BCAS4: variants seen among roughly 807,000 people sequenced by gnomAD.
BCAS4 encodes breast carcinoma-amplified sequence 4.
A neutral mutation model predicts 15.7 loss-of-function variants in BCAS4; 9 were observed. The ratio of observed to expected loss-of-function variants is 0.57; its 90% CI spans 0.34 to 1.00. The LOEUF (loss-of-function observed/expected upper bound fraction) is 1.00, where lower values mean the gene tolerates loss of function less well. Ranked by LOEUF, BCAS4 falls within the 50% of genes least tolerant of loss-of-function variation. The pLI, the probability that BCAS4 is intolerant of heterozygous loss-of-function variation, is 0.02. For synonymous variants in BCAS4, 101 were observed against 99.5 expected (o/e 1.02, Z -0.09); for missense variants, 225 against 239.1 (o/e 0.94, Z 0.39).
chr20:50,795,178 G>A lies in BCAS4; in HGVS notation c.90+5G>A. 7.0e-7 allele frequency: 1 copy of A among 1,437,842 alleles called. No individual in the cohort carries two copies. Among genetic ancestry groups the A allele is most frequent in the Non-Finnish European group, 9.2e-7 (1 of 1,088,608 alleles). 89.1% of individuals were successfully genotyped at this position (1,437,842 alleles called of 1,614,324 possible). ...ACCCCCGAGCCTGGGGCCGAGGTAG[G>A]GGACGGGGCTGTGGAGTTGGAGGAG... is the stretch of plus-strand genomic sequence containing the variant. On this transcript the variant is annotated splice_donor_5th_base_variant and intron_variant, in intron 1 of 4. Transcript: ENST00000371608.
chr20:50,862,538 G>A (rs1336068728), intron 4 of BCAS4, among the ~76,000 whole-genome samples: 1 of 150,854 alleles, frequency 6.6e-6, no homozygotes, highest in Non-Finnish European at 1.5e-5. Flanking sequence ...GACGGGCCTG[G>A]GCTGAGATGC....
At chr20:50,844,303 A>G (rs2088517647) in intron 4 of BCAS4, among the ~76,000 whole-genome samples, 1 of 151,194 alleles carries the variant, frequency 6.6e-6, no homozygotes, top group Non-Finnish European at 1.5e-5. Context: ...GTGTGATGGC[A>G]TGCACCTGTG....
intron 4 of BCAS4, among the ~76,000 whole-genome samples, chr20:50,867,956 A>G (rs1600903502): frequency 6.6e-6 from 1 of 152,210 alleles, no homozygotes; most frequent in Admixed American, 6.5e-5. Context: ...TGATGGGATT[A>G]CAGGCATGAG....
intron 1 of BCAS4, among the ~76,000 whole-genome samples, chr20:50,808,947 A>G (rs970617493): frequency 6.6e-6 from 1 of 152,184 alleles, no homozygotes; most frequent in Non-Finnish European, 1.5e-5. Flanking sequence ...GTTATCTTCT[A>G]GAATTTTTAT....
chr20:50,872,581 C>CA (rs796808126), intron 4 of BCAS4, among the ~76,000 whole-genome samples: 80 of 40,240 alleles, frequency 2.0e-3, no homozygotes, highest in Middle Eastern at 0.01. Flanking sequence ...AAAAAAGGAA[C>CA]AAAAAAAAAA....
intron 2 of BCAS4, among the ~76,000 whole-genome samples, chr20:50,823,160 C>A (rs556029895): frequency 1.3e-5 from 2 of 149,980 alleles, no homozygotes; most frequent in South Asian, 4.2e-4. Context: ...GCCAACATGG[C>A]GAAACCCTGT....
intron 1 of BCAS4, among the ~76,000 whole-genome samples, chr20:50,797,532 C>T (rs1025245975): frequency 5.3e-5 from 8 of 151,450 alleles, no homozygotes; most frequent in Non-Finnish European, 1.0e-4. Context: ...CCTGTCTCTA[C>T]AAAAAAATGT....
intron 1 of BCAS4, 79 bp from the exon 2 acceptor site, chr20:50,818,132 T>TAAA: frequency 5.1e-5 from 61 of 1,198,610 alleles, no homozygotes; most frequent in Non-Finnish European, 6.3e-5. Context: ...TAGTTTGCTT[T>TAAA]AAAAAAAAAA....
rs146507396 is a variant in BCAS4, at chr20:50,876,499, C to A, written c.413C>A (p.Pro138Gln). The A allele has an allele frequency of 9.9e-6, 16 of 1,613,532 alleles. No homozygotes were observed. The African/African-American group carries it at 2.1e-4, about 22-fold the overall frequency. Reference sequence around the variant, plus strand: ...TTGTCATTCCAGAAGTCACCTGCACCGGTGCCCGTGACGTACGAGCTGCCC... The same window carrying A: ...TTGTCATTCCAGAAGTCACCTGCACAGGTGCCCGTGACGTACGAGCTGCCC... ...LPSFRNKSPA[P>Q]VPVTYELPTL... The change falls in exon 5 of 5, where the codon CCG (proline) becomes CAG (glutamine). Residue 138 changes from proline (P) to glutamine (Q), a missense_variant. Coordinates refer to ENST00000371608, the MANE Select transcript of BCAS4 (RefSeq NM_198799.4).
At chr20:50,834,394 C>T (rs930811886) in intron 3 of BCAS4, among the ~76,000 whole-genome samples, 3 of 147,524 alleles carry the variant, frequency 2.0e-5, no homozygotes, top group African/African-American at 5.1e-5. Context: ...CTCCCAGGTT[C>T]GAGCGATTCT....
At chr20:50,866,015 C>T (rs945039361) in intron 4 of BCAS4, among the ~76,000 whole-genome samples, 2 of 152,084 alleles carry the variant, frequency 1.3e-5, no homozygotes, top group Non-Finnish European at 2.9e-5. Context: ...ACCTGGGGGC[C>T]GGCGGTAGTG....
chr20:50,832,667 A>T (rs1600869282), intron 3 of BCAS4: 1 of 152,144 alleles, frequency 6.6e-6, no homozygotes, highest in South Asian at 2.1e-4. Context: ...GGCTCTGGGG[A>T]GAATCTTTGC....
chr20:50,858,253 A>T (rs1216502475), intron 4 of BCAS4, among the ~76,000 whole-genome samples: 1 of 152,218 alleles, frequency 6.6e-6, no homozygotes, highest in African/African-American at 2.4e-5. Flanking sequence ...TATAACTTAC[A>T]TACATCCTTC....
intron 1 of BCAS4, among the ~76,000 whole-genome samples, chr20:50,806,548 G>A (rs1241975891): frequency 1.3e-5 from 2 of 152,242 alleles, no homozygotes; most frequent in African/African-American, 4.8e-5. Context: ...TGGCAGTCCA[G>A]TATGGCCTTG....
intron 2 of BCAS4, among the ~76,000 whole-genome samples, chr20:50,819,758 A>G (rs926138045): frequency 4.6e-5 from 7 of 151,826 alleles, no homozygotes; most frequent in African/African-American, 1.7e-4. Context: ...ACCACCACGC[A>G]TTGGACTCTT....
At chr20:50,853,493 A>ATGGGTCATAGGGTC (rs1978560718) in intron 4 of BCAS4, among the ~76,000 whole-genome samples, 1 of 152,066 alleles carries the variant, frequency 6.6e-6, no homozygotes, top group Non-Finnish European at 1.5e-5. Context: ...ATCATAGAGA[A>ATGGGTCATAGGGTC]ACTCTGTCCC....
At chr20:50,871,335 G>GT (rs1322619362) in intron 4 of BCAS4, among the ~76,000 whole-genome samples, 2 of 152,202 alleles carry the variant, frequency 1.3e-5, no homozygotes, top group African/African-American at 4.8e-5. Flanking sequence ...TGGCATGCGG[G>GT]TGTGCCGGTG....
intron 1 of BCAS4, among the ~76,000 whole-genome samples, chr20:50,816,792 T>TTTTTTTTC (rs2088143711): frequency 4.1e-5 from 2 of 49,004 alleles, no homozygotes; most frequent in African/African-American, 4.3e-4. Flanking sequence ...GCCTGGCTAA[T>TTTTTTTTC]TTTTTTTTTT....
rs187311491 is a variant in BCAS4 at position 50,827,805 on chromosome 20, C to A, written c.163-2474C>A. Among the ~76,000 whole-genome samples, 229 of 152,328 alleles carry A rather than the reference C, an allele frequency of 1.5e-3. 1 individual carries two copies. Among genetic ancestry groups the A allele is most frequent in the Non-Finnish European group, 2.2e-3 (149 of 68,028 alleles). ...GCAGTGGCGCCATCTTGGCTCACTG[C>A]AACCTCTGTTTACCGGGTTTAAGCG... On this transcript the variant is annotated intron_variant, in intron 2 of 4. Coordinates refer to ENST00000371608, the MANE Select transcript of BCAS4 (RefSeq NM_198799.4).
Sources: allele counts gnomAD v4.1 joint callset (sites outside exome capture counted in the v4.1 genomes callset), GRCh38; gene constraint gnomAD v4.1.1; transcripts MANE v1.5; gene names NCBI Gene and HGNC (gene_info 2026-07-23, HGNC 2026-07-21).